Variants in MPPED2 observed in about 807,000 individuals in gnomAD.
MPPED2 encodes metallophosphoesterase domain containing 2.
A neutral mutation model predicts 33.0 loss-of-function variants in MPPED2; 5 were observed. The ratio of observed to expected loss-of-function variants is 0.15; its 90% confidence interval spans 0.08 to 0.32. The LOEUF is 0.32. Ranked by LOEUF, MPPED2 falls within the 10% of genes least tolerant of loss-of-function variation. The probability of loss-of-function intolerance (pLI) is 1.00; values close to 1 mark genes in which losing one functional copy is unlikely to be tolerated. For synonymous variants in MPPED2, 136 were observed against 141.9 expected, an observed-to-expected ratio of 0.96 and a Z score of 0.29; for missense variants, 275 against 372.1, an observed-to-expected ratio of 0.74 and a Z score of 2.15.
At chr11:30,557,982 T>C (rs1956062076) in intron 2 of MPPED2, among the ~76,000 whole-genome samples, 1 of 152,146 alleles carries the variant, frequency 6.6e-6, no homozygotes, top group Non-Finnish European at 1.5e-5. Context: ...CGAGTAAAGA[T>C]AATGTCTGTG....
intron 4 of MPPED2, among the ~76,000 whole-genome samples, chr11:30,452,362 G>C (rs1390701990): frequency 6.6e-6 from 1 of 152,142 alleles, no homozygotes; most frequent in African/African-American, 2.4e-5. Flanking sequence ...CGTGTCTGTG[G>C]GCCCTGCCCA....
intron 6 of MPPED2, among the ~76,000 whole-genome samples, chr11:30,399,664 C>A (rs533112739): frequency 5.3e-5 from 8 of 152,124 alleles, no homozygotes; most frequent in Admixed American, 3.9e-4. Flanking sequence ...GCAAAGACCT[C>A]ATTCATGTAG....
chr11:30,395,719 T>C (rs1438241135), intron 6 of MPPED2, among the ~76,000 whole-genome samples: 4 of 152,198 alleles, frequency 2.6e-5, no homozygotes, highest in African/African-American at 9.6e-5. Flanking sequence ...TACAGGAAGA[T>C]AAATAATCAA....
At chr11:30,508,932 G>T (rs1355737769) in intron 3 of MPPED2, among the ~76,000 whole-genome samples, 1 of 152,090 alleles carries the variant, frequency 6.6e-6, no homozygotes, top group African/African-American at 2.4e-5. Flanking sequence ...ATTCATCTTT[G>T]CATTCCCAGA....
intron 1 of MPPED2, 76 bp from the exon 2 acceptor site, chr11:30,580,570 C>T (rs1328099795): frequency 1.5e-6 from 2 of 1,347,750 alleles, no homozygotes; most frequent in African/African-American, 2.9e-5. Context: ...AATTTAACAT[C>T]TAGACATGAA....
chr11:30,528,638 T>C (rs1329342943), intron 3 of MPPED2, among the ~76,000 whole-genome samples: 1 of 152,202 alleles, frequency 6.6e-6, no homozygotes, highest in African/African-American at 2.4e-5. Flanking sequence ...TATTTATTTA[T>C]AATTGAGACA....
At chr11:30,495,222 A>G (rs1952198049) in intron 4 of MPPED2, 74 bp downstream of exon 4, 5 of 1,009,156 alleles carry the variant, frequency 5.0e-6, no homozygotes, top group South Asian at 1.4e-5. Flanking sequence ...CATTTAAAGC[A>G]TCTAAATCTG....
chr11:30,524,715 G>A (rs1322361944), intron 3 of MPPED2, among the ~76,000 whole-genome samples: 1 of 152,206 alleles, frequency 6.6e-6, no homozygotes, highest in Non-Finnish European at 1.5e-5. Context: ...CACTCAGGAA[G>A]TGAAATGAAT....
chr11:30,408,898 T>C (rs1948030921), downstream of MPPED2, among the ~76,000 whole-genome samples: 1 of 152,170 alleles, frequency 6.6e-6, no homozygotes, highest in African/African-American at 2.4e-5. Context: ...ATTTTGTTGT[T>C]GTAAGGCCCA....
intron 3 of MPPED2, among the ~76,000 whole-genome samples, chr11:30,526,862 G>A (rs564913179): frequency 6.6e-6 from 1 of 152,052 alleles, no homozygotes; most frequent in Non-Finnish European, 1.5e-5. Context: ...CTAGAGAAAA[G>A]TTGCCAGGTA....
At chr11:30,584,718 C>T (rs1335978009) in intron 1 of MPPED2, 2 of 152,556 alleles carry the variant, frequency 1.3e-5, no homozygotes, top group African/African-American at 4.8e-5. Flanking sequence ...GAACCCACAG[C>T]GCTGAGCCCG....
intron 2 of MPPED2, 45 bp downstream of exon 2, chr11:30,580,198 TTTA>T: frequency 6.3e-7 from 1 of 1,584,480 alleles, no homozygotes; most frequent in East Asian, 2.2e-5. Context: ...TTTTTTTCTT[TTTA>T]TTTTCTTGAT....
chr11:30,495,751 G>A (rs1263964406), intron 3 of MPPED2, among the ~76,000 whole-genome samples: 3 of 152,132 alleles, frequency 2.0e-5, no homozygotes, highest in Non-Finnish European at 4.4e-5. Context: ...AAGACATTAA[G>A]TTTTCTAGTT....
chr11:30,388,944 C>T, exon 7 of MPPED2: 1 of 1,563,280 alleles, frequency 6.4e-7, no homozygotes, highest in Non-Finnish European at 8.7e-7. Context: ...CTTGGAGATG[C>T]TCACAGGGTT....
chr11:30,533,568 G>A (rs1173589504), intron 3 of MPPED2, among the ~76,000 whole-genome samples: 1 of 152,120 alleles, frequency 6.6e-6, no homozygotes, highest in Non-Finnish European at 1.5e-5. Context: ...CACCCTTTCA[G>A]AAAGGGTCCT....
At chr11:30,396,102 C>T (rs867644101) in intron 6 of MPPED2, among the ~76,000 whole-genome samples, 3 of 152,284 alleles carry the variant, frequency 2.0e-5, no homozygotes, top group African/African-American at 7.2e-5. Context: ...CATCCTCCTA[C>T]CTTGGGCTTT....
chr11:30,540,191 T>C (rs1955021938), intron 2 of MPPED2, among the ~76,000 whole-genome samples: 1 of 152,236 alleles, frequency 6.6e-6, no homozygotes, highest in South Asian at 2.1e-4. Context: ...TAATAATGCC[T>C]AATTTTCTGT....
chr11:30,498,069 T>TTG (rs4068805), intron 3 of MPPED2, among the ~76,000 whole-genome samples: 2 of 70,830 alleles, frequency 2.8e-5, no homozygotes, highest in African/African-American at 2.4e-4. Flanking sequence ...ATTTTCGTTG[T>TTG]TTTTTTTTTT....
At chr11:30,465,570 A>G (rs1421629263) in intron 4 of MPPED2, among the ~76,000 whole-genome samples, 1 of 152,260 alleles carries the variant, frequency 6.6e-6, no homozygotes, top group East Asian at 1.9e-4. Flanking sequence ...TGCTGGGACT[A>G]CAGGTGTGAG....
Sources: gnomAD v4.1 joint callset for allele counts (sites outside exome capture counted in the v4.1 genomes callset) on GRCh38, gnomAD v4.1.1 for gene constraint, MANE v1.5 for transcripts, NCBI Gene and HGNC (gene_info 2026-07-23, HGNC 2026-07-21) for gene names.